The following KDM6A variants were observed in gnomAD, a reference collection of about 807,000 sequenced individuals.
KDM6A encodes the protein lysine-specific demethylase 6A.
Under a neutral mutation model 117.6 loss-of-function variants are expected in KDM6A, and 11 were observed. The observed-to-expected ratio is 0.09, with a 90% CI of 0.06 to 0.15. KDM6A has a LOEUF of 0.15. KDM6A is among the 10% of genes least tolerant of loss of function. The probability of loss-of-function intolerance (pLI) is 1.00; values close to 1 mark genes in which losing one functional copy is unlikely to be tolerated. For synonymous variants in KDM6A, 384 were observed against 396.1 expected (o/e 0.97, Z 0.36); for missense variants, 799 against 1,077.3 (o/e 0.74, Z 3.62).
At chrX:45,063,302 C>T (rs944309895) in intron 16 of KDM6A, 120 bp from the exon 17 acceptor site, 1 of 656,939 alleles carries the variant, frequency 1.5e-6, no homozygotes. Context: ...TGGGTAAAAT[C>T]ACACATTCCC....
intron 7 of KDM6A, among the ~76,000 whole-genome samples, chrX:45,035,991 G>A (rs180784262): frequency 2.3e-3 from 259 of 111,873 alleles, no homozygotes; most frequent in African/African-American, 8.1e-3. Context: ...GAGCCACCGC[G>A]CCCGTCCGAA....
chrX:45,049,343 A>G (rs1446935181), intron 8 of KDM6A, among the ~76,000 whole-genome samples: 3 of 111,840 alleles, frequency 2.7e-5, no homozygotes, highest in Non-Finnish European at 5.6e-5. Context: ...TTTGAGTCAG[A>G]TCTTTACTCT....
intron 4 of KDM6A, among the ~76,000 whole-genome samples, chrX:44,983,550 C>T (rs1222044820): frequency 9.4e-6 from 1 of 105,845 alleles, no homozygotes; most frequent in Non-Finnish European, 2.0e-5. Flanking sequence ...TCTCCTAATG[C>T]TATCCCTTCC....
intron 2 of KDM6A, among the ~76,000 whole-genome samples, chrX:44,884,225 C>T (rs2032617709): frequency 9.3e-6 from 1 of 107,850 alleles, no homozygotes; most frequent in African/African-American, 3.4e-5. Context: ...GAAAAGATAA[C>T]TGAACATGTG....
At chrX:44,895,044 G>A (rs774051823) in intron 2 of KDM6A, among the ~76,000 whole-genome samples, 4 of 110,040 alleles carry the variant, frequency 3.6e-5, no homozygotes, top group South Asian at 7.6e-4. Context: ...TGGGATTACA[G>A]GTGTGAGCCA....
chrX:44,894,619 T>A (rs2033647594), intron 2 of KDM6A, among the ~76,000 whole-genome samples: 1 of 93,837 alleles, frequency 1.1e-5, no homozygotes, highest in African/African-American at 4.3e-5. Context: ...ATTAATTAAT[T>A]AATTTTTTTT....
At chrX:44,967,973 G>A (rs1183514715) in intron 3 of KDM6A, among the ~76,000 whole-genome samples, 1 of 112,399 alleles carries the variant, frequency 8.9e-6, no homozygotes, top group African/African-American at 3.2e-5. Flanking sequence ...GGGATTGTGG[G>A]AAAATGGAGG....
chrX:45,050,679 G>A (rs1164760711), intron 8 of KDM6A, among the ~76,000 whole-genome samples: 1 of 111,285 alleles, frequency 9.0e-6, no homozygotes, highest in Non-Finnish European at 1.9e-5. Context: ...TGTTTTACAG[G>A]TAATATTTAT....
chrX:45,049,144 T>A (rs572855364), intron 8 of KDM6A, among the ~76,000 whole-genome samples: 2 of 112,147 alleles, frequency 1.8e-5, no homozygotes, highest in East Asian at 5.6e-4. Flanking sequence ...GTGAGTGTTC[T>A]CCTTTACTCA....
chrX:45,009,294 T>C (rs1171034339), intron 4 of KDM6A, among the ~76,000 whole-genome samples: 2 of 112,346 alleles, frequency 1.8e-5, no homozygotes, highest in Non-Finnish European at 3.8e-5. Flanking sequence ...GTTCCTCACC[T>C]TTTTAGACCT....
At chrX:45,030,476 A>C (rs1455728365) in intron 6 of KDM6A, among the ~76,000 whole-genome samples, 1 of 108,063 alleles carries the variant, frequency 9.3e-6, no homozygotes, top group Non-Finnish European at 1.9e-5. Flanking sequence ...AGAGTATCAG[A>C]ACTGAGTTTT....
intron 14 of KDM6A, among the ~76,000 whole-genome samples, chrX:45,061,026 T>C (rs2044265512): frequency 9.0e-6 from 1 of 111,436 alleles, no homozygotes; most frequent in African/African-American, 3.3e-5. Flanking sequence ...TTTACTGACA[T>C]TGAAATAAAT....
chrX:45,094,637 T>C (rs1385455084), intron 27 of KDM6A, among the ~76,000 whole-genome samples: 1 of 111,726 alleles, frequency 9.0e-6, no homozygotes, highest in Admixed American at 9.5e-5. Context: ...GCTAAAGTCA[T>C]ACTCAACATG....
intron 27 of KDM6A, among the ~76,000 whole-genome samples, chrX:45,100,710 A>G (rs2046307618): frequency 1.8e-5 from 2 of 111,296 alleles, no homozygotes; most frequent in Admixed American, 9.5e-5. Flanking sequence ...TTGAAAATAA[A>G]TTCTCTTCAA....
At chrX:45,019,764 G>A (rs924183264) in intron 5 of KDM6A, among the ~76,000 whole-genome samples, 1 of 111,499 alleles carries the variant, frequency 9.0e-6, no homozygotes, top group African/African-American at 3.3e-5. Flanking sequence ...ATTCAAAGTA[G>A]ACATTTTTCT....
chrX:44,970,024 A>C (rs2039260054), intron 3 of KDM6A, among the ~76,000 whole-genome samples: 1 of 112,232 alleles, frequency 8.9e-6, no homozygotes, highest in Non-Finnish European at 1.9e-5. Flanking sequence ...GGTCAAAAGG[A>C]TTTTACTAGA....
chrX:44,885,488 A>G (rs1226675497), intron 2 of KDM6A, among the ~76,000 whole-genome samples: 4 of 111,232 alleles, frequency 3.6e-5, no homozygotes, highest in Non-Finnish European at 5.6e-5. Context: ...AGGATGGTAC[A>G]GTGAAAATCA....
At chrX:44,894,145 C>A (rs756720753) in intron 2 of KDM6A, among the ~76,000 whole-genome samples, 2 of 111,508 alleles carry the variant, frequency 1.8e-5, no homozygotes, top group South Asian at 7.5e-4. Context: ...TTGAGGATTT[C>A]TGCCTCTAAG....
At chrX:45,003,399 T>C (rs1409495905) in intron 4 of KDM6A, among the ~76,000 whole-genome samples, 4 of 97,453 alleles carry the variant, frequency 4.1e-5, no homozygotes, top group African/African-American at 1.5e-4. Flanking sequence ...TCCTTCTTTT[T>C]TTTTTTTTTT....
Sources: allele counts gnomAD v4.1 joint callset (sites outside exome capture counted in the v4.1 genomes callset), GRCh38; gene constraint gnomAD v4.1.1; transcripts MANE v1.5; gene names NCBI Gene and HGNC (gene_info 2026-07-23, HGNC 2026-07-21).